The following MRPL1 variants were observed in gnomAD, a reference collection of about 807,000 sequenced individuals.
MRPL1 encodes mitochondrial ribosomal protein L1, also known as large ribosomal subunit protein uL1m.
Under a neutral mutation model 38.0 loss-of-function variants are expected in MRPL1, and 28 were observed. That is an observed-to-expected ratio of 0.74 (90% CI 0.55 to 1.01). The LOEUF (loss-of-function observed/expected upper bound fraction) is 1.01. MRPL1 is among the 50% of genes least tolerant of loss of function. The pLI is 0.00. For missense variants in MRPL1, 358 were observed against 389.8 expected (o/e 0.92, Z 0.69); for synonymous variants, 123 against 126.7 (o/e 0.97, Z 0.20).
chr4:77,908,710 C>A (rs1237736973), intron 6 of MRPL1, among the ~76,000 whole-genome samples: 1 of 152,232 alleles, frequency 6.6e-6, no homozygotes, highest in East Asian at 1.9e-4. Flanking sequence ...CTCACCATTT[C>A]TGTGTGTCAG....
chr4:77,863,079 TGAGG>T, intron 1 of MRPL1, 200 bp downstream of exon 1: 1 of 627,544 alleles, frequency 1.6e-6, no homozygotes, highest in Non-Finnish European at 2.7e-6. Context: ...ACGTCCACCC[TGAGG>T]GAGGGAGTGG....
intron 5 of MRPL1, among the ~76,000 whole-genome samples, chr4:77,888,000 A>G (rs1301552554): frequency 6.6e-6 from 1 of 152,184 alleles, no homozygotes; most frequent in Non-Finnish European, 1.5e-5. Context: ...ATTGATACCC[A>G]TGGACACCTC....
chr4:77,876,764 C>G (rs555829783), intron 2 of MRPL1, among the ~76,000 whole-genome samples: 1 of 152,164 alleles, frequency 6.6e-6, no homozygotes, highest in African/African-American at 2.4e-5. Flanking sequence ...TTTGGCTCTC[C>G]CCTCTACCCT....
intron 4 of MRPL1, among the ~76,000 whole-genome samples, chr4:77,886,794 T>C (rs1011289207): frequency 1.8e-3 from 244 of 137,448 alleles, no homozygotes; most frequent in East Asian, 0.016. Context: ...ATTTTCTTTT[T>C]TTTTTTTTTT....
In MRPL1 at chr4:77,868,045, C is replaced by T. The variant is rs939651907; in HGVS notation, c.32-3699C>T. Among the ~76,000 whole-genome samples, 96 of 151,550 alleles carry T rather than the reference C, an allele frequency of 6.3e-4. 3 individuals are homozygous for T. Among genetic ancestry groups the T allele is most frequent in the Non-Finnish European group, 1.9e-4 (13 of 67,914 alleles). On this transcript the variant is annotated intron_variant, in intron 1 of 8. Coordinates refer to ENST00000315567, the MANE Select transcript of MRPL1 (RefSeq NM_020236.4). ...TGCTGGGATTACAGACATGAGCCAC[C>T]GCGCCTGGCCAGTTATTTCTTTTTT...
chr4:77,895,843 A>G lies in MRPL1; in HGVS notation c.670+1593A>G, dbSNP rs527941793. Among the ~76,000 whole-genome samples the G allele has an allele frequency of 2.0e-5, 3 of 152,302 alleles. No homozygotes were observed. The South Asian group carries it at 6.2e-4, about 32-fold the overall frequency. On this transcript the variant is annotated intron_variant, in intron 6 of 8. Coordinates refer to ENST00000315567, the MANE Select transcript of MRPL1 (RefSeq NM_020236.4). Reference sequence around the variant, plus strand: ...GATTTCCCTTACAGCAGTGTTCATTATGGAGTCCAGTTTATATTCTTTCTT... The same window carrying G: ...GATTTCCCTTACAGCAGTGTTCATTGTGGAGTCCAGTTTATATTCTTTCTT...
intron 6 of MRPL1, among the ~76,000 whole-genome samples, chr4:77,897,147 A>G (rs1321128678): frequency 1.3e-5 from 2 of 151,784 alleles, no homozygotes; most frequent in African/African-American, 2.4e-5. Context: ...GCTCACTGCA[A>G]CCTCCGCCTC....
intron 7 of MRPL1, among the ~76,000 whole-genome samples, chr4:77,913,699 T>A (rs374125084): frequency 2.6e-4 from 39 of 152,336 alleles, no homozygotes; most frequent in African/African-American, 7.9e-4. Context: ...AGGGTTCATA[T>A]CAGATTTATC....
chr4:77,906,208 A>T (rs1431196186), intron 6 of MRPL1, among the ~76,000 whole-genome samples: 1 of 152,234 alleles, frequency 6.6e-6, no homozygotes, highest in Non-Finnish European at 1.5e-5. Flanking sequence ...TTCAGAGGAC[A>T]AGTCAAGATA....
At chr4:77,926,898 C>T (rs141791324) in intron 7 of MRPL1, among the ~76,000 whole-genome samples, 9 of 152,238 alleles carry the variant, frequency 5.9e-5, no homozygotes, top group Middle Eastern at 3.4e-3. Flanking sequence ...CGTGAGCTGC[C>T]TCATCTGGCC....
chr4:77,893,997 T>C (rs1735861177), intron 5 of MRPL1, 142 bp from the exon 6 acceptor site: 1 of 596,030 alleles, frequency 1.7e-6, no homozygotes, highest in Non-Finnish European at 3.0e-6. Context: ...CAGGTGTATT[T>C]GTATGATCTT....
chr4:77,877,911 G>C (rs1411996536), intron 2 of MRPL1, among the ~76,000 whole-genome samples: 8 of 151,856 alleles, frequency 5.3e-5, no homozygotes, highest in Admixed American at 2.0e-4. Context: ...GCTGGGGGGT[G>C]GGGGGACGGC....
chr4:77,891,012 G>A (rs1203652449), intron 5 of MRPL1, among the ~76,000 whole-genome samples: 1 of 152,114 alleles, frequency 6.6e-6, no homozygotes, highest in African/African-American at 2.4e-5. Context: ...TAAATTTGGT[G>A]AGGATTCTGG....
At chr4:77,929,392 G>C (rs1228687901) in intron 7 of MRPL1, among the ~76,000 whole-genome samples, 1 of 152,150 alleles carries the variant, frequency 6.6e-6, no homozygotes, top group Admixed American at 6.6e-5. Context: ...AATTCCTTAT[G>C]AGTGTCATTA....
intron 7 of MRPL1, among the ~76,000 whole-genome samples, chr4:77,932,316 A>G (rs1303806645): frequency 6.6e-6 from 1 of 152,182 alleles, no homozygotes; most frequent in Non-Finnish European, 1.5e-5. Context: ...CAGCTGGTGC[A>G]TGATCACCTC....
intron 1 of MRPL1, among the ~76,000 whole-genome samples, chr4:77,871,455 C>T (rs1051930404): frequency 2.0e-5 from 3 of 151,990 alleles, no homozygotes; most frequent in Admixed American, 2.0e-4. Flanking sequence ...CAGGTTCGTG[C>T]CACCATGCCT....
At chr4:77,875,448 C>A (rs1735368739) in intron 2 of MRPL1, among the ~76,000 whole-genome samples, 1 of 151,766 alleles carries the variant, frequency 6.6e-6, no homozygotes, top group Non-Finnish European at 1.5e-5. Context: ...CACTTGAGGT[C>A]AGGAGTTTGA....
At chr4:77,874,883 G>T (rs1171564018) in intron 2 of MRPL1, among the ~76,000 whole-genome samples, 2 of 150,808 alleles carry the variant, frequency 1.3e-5, no homozygotes, top group African/African-American at 2.4e-5. Flanking sequence ...CCAGGTTCAA[G>T]CGATTCTCCT....
chr4:77,874,881 A>G (rs1402557775), intron 2 of MRPL1, among the ~76,000 whole-genome samples: 1 of 151,108 alleles, frequency 6.6e-6, no homozygotes, highest in East Asian at 1.9e-4. Flanking sequence ...TCCCAGGTTC[A>G]AGCGATTCTC....
Sources: allele counts gnomAD v4.1 joint callset (sites outside exome capture counted in the v4.1 genomes callset), GRCh38; gene constraint gnomAD v4.1.1; transcripts MANE v1.5; gene names NCBI Gene and HGNC (gene_info 2026-07-23, HGNC 2026-07-21).